The following RTL4 variants were observed in gnomAD, a reference collection of about 807,000 sequenced individuals.
The protein encoded by RTL4 is retrotransposon Gag like 4.
Under a neutral mutation model 5.3 loss-of-function variants are expected in RTL4, and 4 were observed. The ratio of observed to expected loss-of-function variants is 0.75; its 90% confidence interval spans 0.37 to 1.72. The LOEUF (loss-of-function observed/expected upper bound fraction) is 1.72. Among genes scored for constraint, RTL4 ranks in the 40% most tolerant of loss-of-function variants. RTL4 has a pLI of 0.04. For missense variants in RTL4, 260 were observed against 227.1 expected (o/e 1.14, Z -0.93); for synonymous variants, 98 against 87.3 (o/e 1.12, Z -0.68).
the RTL4 span, among the ~76,000 whole-genome samples, chrX:112,382,789 C>T: frequency 8.9e-6 from 1 of 111,842 alleles, no homozygotes; most frequent in Non-Finnish European, 1.9e-5. Flanking sequence ...CTGATAACAG[C>T]AAGTCCAGTA....
chrX:112,214,991 T>A, the RTL4 span, among the ~76,000 whole-genome samples: 1 of 111,418 alleles, frequency 9.0e-6, no homozygotes, highest in Admixed American at 9.5e-5. Flanking sequence ...GGTTTCACCA[T>A]GTTAGCCAGG....
chrX:112,172,056 G>A, the RTL4 span, among the ~76,000 whole-genome samples: 2 of 112,465 alleles, frequency 1.8e-5, no homozygotes, highest in African/African-American at 6.5e-5. Flanking sequence ...CAAAAAGGCT[G>A]GGCGTGGTGG....
chrX:112,420,731 A>C, the RTL4 span, among the ~76,000 whole-genome samples: 1 of 111,853 alleles, frequency 8.9e-6, no homozygotes, highest in Non-Finnish European at 1.9e-5. Context: ...CAGACCATTC[A>C]AAGCCCTTCC....
chrX:112,455,664 G>C, exon 1 of RTL4: 1 of 1,190,094 alleles, frequency 8.4e-7, no homozygotes, highest in Non-Finnish European at 1.1e-6. Flanking sequence ...ACCAGTAAGA[G>C]GAGACCAGGA....
At chrX:112,254,142 C>T in the RTL4 span, among the ~76,000 whole-genome samples, 2 of 111,520 alleles carry the variant, frequency 1.8e-5, no homozygotes, top group African/African-American at 6.5e-5. Flanking sequence ...ATTAGAATCC[C>T]ATCCTACTGC....
chrX:112,263,597 A>G, the RTL4 span, among the ~76,000 whole-genome samples: 3 of 112,027 alleles, frequency 2.7e-5, no homozygotes, highest in Admixed American at 1.9e-4. Flanking sequence ...TTTACTTAGC[A>G]TAGTGTTCTC....
chrX:112,231,393 TA>T, the RTL4 span, among the ~76,000 whole-genome samples: 130 of 109,382 alleles, frequency 1.2e-3, 3 homozygotes, highest in Non-Finnish European at 4.2e-4. Context: ...TATGCAGCCA[TA>T]AAAAAGGATG....
the RTL4 span, among the ~76,000 whole-genome samples, chrX:112,297,889 T>C: frequency 8.9e-6 from 1 of 112,322 alleles, no homozygotes; most frequent in Non-Finnish European, 1.9e-5. Context: ...TCTCTTCTCA[T>C]ACATGACACT....
chrX:112,140,324 G>T, the RTL4 span, among the ~76,000 whole-genome samples: 1 of 111,712 alleles, frequency 9.0e-6, no homozygotes, highest in Non-Finnish European at 1.9e-5. Context: ...TATGAAAAAT[G>T]AATATCTGGG....
At chrX:112,448,245 C>T in the RTL4 span, among the ~76,000 whole-genome samples, 9 of 112,132 alleles carry the variant, frequency 8.0e-5, no homozygotes, top group Non-Finnish European at 1.1e-4. Context: ...TTTTTCCACT[C>T]TTTCTGTAAT....
the RTL4 span, among the ~76,000 whole-genome samples, chrX:112,132,132 G>C: frequency 9.0e-6 from 1 of 111,306 alleles, no homozygotes; most frequent in Non-Finnish European, 1.9e-5. Flanking sequence ...CAGGTTAATA[G>C]ACAAAAACGT....
chrX:112,130,368 C>T, the RTL4 span, among the ~76,000 whole-genome samples: 10,002 of 107,271 alleles, frequency 0.093, 819 homozygotes, highest in African/African-American at 0.26. Flanking sequence ...ATCCATGCAA[C>T]TGTGGTAGGC....
the RTL4 span, among the ~76,000 whole-genome samples, chrX:112,229,969 G>A: frequency 1.8e-5 from 2 of 112,548 alleles, no homozygotes; most frequent in African/African-American, 6.5e-5. Flanking sequence ...TAGGCTACTC[G>A]GGAGCCAGGG....
the RTL4 span, among the ~76,000 whole-genome samples, chrX:112,227,019 A>G: frequency 7.7e-5 from 6 of 78,246 alleles, no homozygotes; most frequent in Non-Finnish European, 1.7e-4. Flanking sequence ...TAAAATATAA[A>G]ATAAAATAGT....
chrX:112,295,514 T>C, the RTL4 span, among the ~76,000 whole-genome samples: 1 of 112,734 alleles, frequency 8.9e-6, no homozygotes, highest in Non-Finnish European at 1.9e-5. Context: ...TGCAGGTGCC[T>C]GCCTGCCAGC....
chrX:112,280,183 A>T, the RTL4 span, among the ~76,000 whole-genome samples: 1 of 111,820 alleles, frequency 8.9e-6, no homozygotes. Context: ...AAAGAATCAG[A>T]GTCATTATCC....
the RTL4 span, among the ~76,000 whole-genome samples, chrX:112,115,168 C>G: frequency 5.4e-5 from 6 of 111,108 alleles, no homozygotes; most frequent in Non-Finnish European, 1.1e-4. Context: ...ACCCTGCTCA[C>G]AGGAATAGTT....
chrX:112,345,864 C>T, the RTL4 span, among the ~76,000 whole-genome samples: 2 of 111,533 alleles, frequency 1.8e-5, no homozygotes, highest in Non-Finnish European at 3.8e-5. Flanking sequence ...TTCCCTGAAC[C>T]AGGCATGATA....
chrX:112,092,477 G>T, the RTL4 span, among the ~76,000 whole-genome samples: 1 of 111,474 alleles, frequency 9.0e-6, no homozygotes, highest in Non-Finnish European at 1.9e-5. Flanking sequence ...ATGCAAATCT[G>T]CCTCTCACTC....
Sources: gnomAD v4.1 joint callset for allele counts (sites outside exome capture counted in the v4.1 genomes callset) on GRCh38, gnomAD v4.1.1 for gene constraint, MANE v1.5 for transcripts, NCBI Gene and HGNC (gene_info 2026-07-23, HGNC 2026-07-21) for gene names.